ARHGAP42: variants seen among roughly 807,000 people sequenced by gnomAD.
ARHGAP42 encodes Rho GTPase activating protein 42.
Under a neutral mutation model 125.0 loss-of-function variants are expected in ARHGAP42, and 63 were observed. The ratio of observed to expected loss-of-function variants is 0.50; its 90% CI spans 0.41 to 0.62. The LOEUF is 0.62. Ranked by LOEUF, ARHGAP42 falls within the 20% of genes least tolerant of loss-of-function variation. The pLI, the probability that ARHGAP42 is intolerant of heterozygous loss-of-function variation, is 0.00. For missense variants in ARHGAP42, 766 were observed against 1,024.2 expected (o/e 0.75, Z 3.44); for synonymous variants, 339 against 351.0 (o/e 0.97, Z 0.38).
chr11:100,976,756 G>A (rs1489614329), intron 20 of ARHGAP42, 59 bp from the exon 21 acceptor site: 2 of 1,532,414 alleles, frequency 1.3e-6, no homozygotes, highest in East Asian at 2.5e-5. Flanking sequence ...ACATGTACGT[G>A]TTATTGCTAT....
At chr11:100,799,177 A>C (rs2135039549) in intron 3 of ARHGAP42, among the ~76,000 whole-genome samples, 1 of 152,348 alleles carries the variant, frequency 6.6e-6, no homozygotes, top group South Asian at 2.1e-4. Flanking sequence ...AGTACGATTC[A>C]GGTGATATTA....
At chr11:100,852,436 T>C (rs1865226231) in intron 3 of ARHGAP42, among the ~76,000 whole-genome samples, 1 of 152,198 alleles carries the variant, frequency 6.6e-6, no homozygotes, top group African/African-American at 2.4e-5. Context: ...TGAATGATTT[T>C]ATTTTTTCAA....
intron 1 of ARHGAP42, among the ~76,000 whole-genome samples, chr11:100,741,044 T>C (rs1862174428): frequency 6.6e-6 from 1 of 152,136 alleles, no homozygotes; most frequent in East Asian, 1.9e-4. Flanking sequence ...TTTATTTCTT[T>C]TTTTGAGATG....
intron 1 of ARHGAP42, 110 bp from the exon 2 acceptor site, chr11:100,770,233 T>G (rs944542314): frequency 1.4e-6 from 1 of 739,786 alleles, no homozygotes; most frequent in African/African-American, 1.8e-5. Context: ...TATTAAAGGA[T>G]TCTGGTTCAT....
At chr11:100,954,190 C>A (rs522337) in intron 12 of ARHGAP42, among the ~76,000 whole-genome samples, 134,120 of 152,034 alleles carry the variant, frequency 0.88, 59,247 homozygotes, top group East Asian at 1. Context: ...TGAGCTGGTC[C>A]TTCAACCCTG....
rs79633863 is a variant in ARHGAP42, at chr11:100,989,648, A to G, written c.*847A>G. ...TTATATGCACATATTTTCTACCAGT[A>G]GCATTATAGTGGCATCATAGAAGAA... is the stretch of plus-strand genomic sequence containing the variant. On this transcript the variant is annotated 3_prime_UTR_variant, in exon 24 of 24. Transcript: ENST00000298815. 1 of 152,402 alleles carries G rather than the reference A, an allele frequency of 6.6e-6. No individual in the cohort carries two copies. Among genetic ancestry groups the G allele is most frequent in the Non-Finnish European group, 1.5e-5 (1 of 68,062 alleles). The allele number at this position is 152,402 out of a possible 1,614,324, so 9.4% of individuals were successfully genotyped here. A position where few individuals can be genotyped will look rare whatever the true frequency, so the allele number is the denominator to read the frequency against.
chr11:100,893,109 G>A (rs1591273406), intron 4 of ARHGAP42, among the ~76,000 whole-genome samples: 2 of 151,580 alleles, frequency 1.3e-5, no homozygotes, highest in Admixed American at 6.6e-5. Flanking sequence ...AGAGTTGAGG[G>A]ATCATTTTAT....
chr11:100,861,796 G>A (rs1365506054), intron 4 of ARHGAP42, among the ~76,000 whole-genome samples: 3 of 152,202 alleles, frequency 2.0e-5, no homozygotes, highest in Admixed American at 2.0e-4. Flanking sequence ...TCCATGTGAT[G>A]TTGAGTTAGC....
At chr11:100,738,407 C>T (rs1165318729) in intron 1 of ARHGAP42, 11 of 152,198 alleles carry the variant, frequency 7.2e-5, no homozygotes, top group Admixed American at 2.6e-4. Context: ...TTTGGAACCT[C>T]ACAGTACCGC....
At chr11:100,753,490 G>A (rs533041951) in intron 1 of ARHGAP42, among the ~76,000 whole-genome samples, 215 of 152,334 alleles carry the variant, frequency 1.4e-3, no homozygotes, top group Non-Finnish European at 2.3e-3. Flanking sequence ...CAATTTCAAG[G>A]AAAGTGCTTC....
At chr11:100,848,530 G>C (rs572301937) in intron 3 of ARHGAP42, among the ~76,000 whole-genome samples, 2 of 151,080 alleles carry the variant, frequency 1.3e-5, no homozygotes, top group South Asian at 4.2e-4. Flanking sequence ...CTGAGGTGGA[G>C]TCTTGTACTG....
At chr11:100,951,192 A>T (rs1016499480) in intron 12 of ARHGAP42, among the ~76,000 whole-genome samples, 1 of 152,100 alleles carries the variant, frequency 6.6e-6, no homozygotes, top group South Asian at 2.1e-4. Context: ...TGCATGATAT[A>T]AAAGATGTTT....
intron 1 of ARHGAP42, among the ~76,000 whole-genome samples, chr11:100,695,483 T>G (rs947157822): frequency 9.9e-5 from 15 of 152,152 alleles, no homozygotes; most frequent in African/African-American, 3.6e-4. Context: ...TTTTGTATTT[T>G]TAGTAGAGAT....
chr11:100,914,625 G>A (rs768330187), intron 5 of ARHGAP42, among the ~76,000 whole-genome samples: 4 of 152,088 alleles, frequency 2.6e-5, no homozygotes, highest in Non-Finnish European at 5.9e-5. Flanking sequence ...TAGCTCACCC[G>A]CAGCTCAACA....
intron 4 of ARHGAP42, among the ~76,000 whole-genome samples, chr11:100,865,139 G>C (rs1186614410): frequency 6.6e-6 from 1 of 152,200 alleles, no homozygotes; most frequent in Non-Finnish European, 1.5e-5. Context: ...GTTGAAGACT[G>C]TAATGGAAAC....
Position 100,976,105 on chromosome 11 carries a change from A to C in ARHGAP42, c.1904A>C (p.Glu635Ala). The C allele has an allele frequency of 6.5e-7, 1 of 1,549,228 alleles. No homozygotes were observed. Among genetic ancestry groups the C allele is most frequent in the Non-Finnish European group, 8.7e-7 (1 of 1,145,690 alleles). Residue 635 changes from glutamate to alanine, a missense_variant, in exon 20 of 24, where the codon GAG becomes GCG. Glu to Ala is a moderately radical substitution (Grantham distance 107). This residue lies in a region of ARHGAP42 where 308 missense variants were observed against 369.7 expected (regional missense o/e 0.83). Coordinates refer to ENST00000298815, the MANE Select transcript of ARHGAP42 (RefSeq NM_152432.4). ...SPDSTPMGSI[E>A]SLSSHSSEQN... is the part of the protein sequence containing the mutation. Reference sequence around the variant, plus strand: ...GACAGCACACCTATGGGGAGCATTGAGTCACTCTCTTCTCATTCCTCTGAA... The same window carrying C: ...GACAGCACACCTATGGGGAGCATTGCGTCACTCTCTTCTCATTCCTCTGAA...
chr11:100,827,675 A>G (rs1565231195), intron 3 of ARHGAP42, among the ~76,000 whole-genome samples: 2 of 152,236 alleles, frequency 1.3e-5, no homozygotes, highest in Non-Finnish European at 2.9e-5. Context: ...CACTGCCCAC[A>G]TTGGCAAAGT....
At chr11:100,981,847 A>G (rs770605040) in intron 22 of ARHGAP42, among the ~76,000 whole-genome samples, 1 of 152,194 alleles carries the variant, frequency 6.6e-6, no homozygotes, top group Non-Finnish European at 1.5e-5. Context: ...AGAAGTTTCC[A>G]AGTCTCTGAG....
Position 100,976,442 on chromosome 11 carries a change from G to C in ARHGAP42, c.2236+5G>C. The stretch of plus-strand genomic sequence containing the variant: ...GATCCATCTCTGCAGCTGAAGGTAA[G>C]GCAGAGTGGAACTTGTGCAAGATGT... On this transcript the variant is annotated splice_donor_5th_base_variant and intron_variant, in intron 20 of 23. Coordinates refer to ENST00000298815, the MANE Select transcript of ARHGAP42 (RefSeq NM_152432.4). The C allele has an allele frequency of 6.6e-7, 1 of 1,512,548 alleles. No individual in the cohort carries two copies. Among genetic ancestry groups the C allele is most frequent in the Non-Finnish European group, 8.8e-7 (1 of 1,132,502 alleles). 93.7% of individuals were successfully genotyped at this position (1,512,548 alleles called of 1,614,324 possible). A position where few individuals can be genotyped will look rare whatever the true frequency, so the allele number is the denominator to read the frequency against.
Sources: gnomAD v4.1 joint callset for allele counts (sites outside exome capture counted in the v4.1 genomes callset) on GRCh38, gnomAD v4.1.1 for gene constraint, gnomAD v4.1.1 regional missense constraint, MANE v1.5 for transcripts, NCBI Gene and HGNC (gene_info 2026-07-23, HGNC 2026-07-21) for gene names.